The following ASTN2 variants were observed in gnomAD, a reference collection of about 807,000 sequenced individuals.
The protein encoded by ASTN2 is astrotactin-2.
ASTN2 carries 54 observed loss-of-function variants against 139.8 expected under a neutral mutation model. The ratio of observed to expected loss-of-function variants is 0.39; its 90% CI spans 0.31 to 0.48. The LOEUF (loss-of-function observed/expected upper bound fraction) is 0.48, where lower values mean the gene tolerates loss of function less well. Ranked by LOEUF, ASTN2 falls within the 20% of genes least tolerant of loss-of-function variation. ASTN2 has a pLI of 0.95. For synonymous variants in ASTN2, 756 were observed against 719.5 expected, an observed-to-expected ratio of 1.05 and a Z score of -0.81; for missense variants, 1,565 against 1,725.1, an observed-to-expected ratio of 0.91 and a Z score of 1.64.
At chr9:117,396,306 T>G (rs528868683) in intron 1 of ASTN2, among the ~76,000 whole-genome samples, 116 of 152,272 alleles carry the variant, frequency 7.6e-4, no homozygotes, top group African/African-American at 2.7e-3. Context: ...CAGATGAGCC[T>G]GCGTTTCATG....
chr9:117,411,638 T>A (rs1307164181), intron 1 of ASTN2, among the ~76,000 whole-genome samples: 1 of 152,104 alleles, frequency 6.6e-6, no homozygotes, highest in Non-Finnish European at 1.5e-5. Flanking sequence ...GAATTCTTCT[T>A]TTTGTTTGTC....
At chr9:116,911,364 A>G (rs1409788463) in intron 10 of ASTN2, among the ~76,000 whole-genome samples, 2 of 152,210 alleles carry the variant, frequency 1.3e-5, no homozygotes. Context: ...TTTTACTTAA[A>G]ACTCTCAAGG....
intron 11 of ASTN2, among the ~76,000 whole-genome samples, chr9:116,831,156 C>T (rs1029975845): frequency 1.2e-4 from 18 of 152,180 alleles, no homozygotes; most frequent in African/African-American, 2.9e-4. Flanking sequence ...TACACCTGCA[C>T]GTACAGAGTG....
At chr9:117,057,064 T>A (rs1189037426) in intron 5 of ASTN2, among the ~76,000 whole-genome samples, 1 of 152,230 alleles carries the variant, frequency 6.6e-6, no homozygotes, top group Non-Finnish European at 1.5e-5. Context: ...CTCTTTTTGT[T>A]GGAACAGTTA....
At chr9:116,827,965 C>A (rs1020770183) in intron 11 of ASTN2, among the ~76,000 whole-genome samples, 3 of 152,050 alleles carry the variant, frequency 2.0e-5, no homozygotes, top group African/African-American at 7.2e-5. Context: ...ACACTAATAT[C>A]CCTGATGAAT....
At chr9:116,624,747 A>G (rs879915171) in intron 17 of ASTN2, among the ~76,000 whole-genome samples, 1 of 152,174 alleles carries the variant, frequency 6.6e-6, no homozygotes, top group Non-Finnish European at 1.5e-5. Context: ...TGACTCCAAA[A>G]AGATGCTCTG....
chr9:117,404,162 A>G (rs1830916603), intron 1 of ASTN2, among the ~76,000 whole-genome samples: 1 of 152,244 alleles, frequency 6.6e-6, no homozygotes, highest in South Asian at 2.1e-4. Context: ...CACAGTGCCC[A>G]GTGCTGACTA....
At chr9:116,457,798 C>T (rs1051323815) in intron 20 of ASTN2, among the ~76,000 whole-genome samples, 1 of 151,952 alleles carries the variant, frequency 6.6e-6, no homozygotes, top group Non-Finnish European at 1.5e-5. Flanking sequence ...ATGGAGATTC[C>T]TCAAAACACT....
At chr9:117,325,292 G>A (rs1447742625) in intron 1 of ASTN2, among the ~76,000 whole-genome samples, 7 of 152,064 alleles carry the variant, frequency 4.6e-5, no homozygotes, top group Non-Finnish European at 7.4e-5. Flanking sequence ...GGGATGTCTG[G>A]GCCAGAGTGT....
At chr9:116,767,867 C>G (rs1829850724) in intron 13 of ASTN2, among the ~76,000 whole-genome samples, 1 of 152,268 alleles carries the variant, frequency 6.6e-6, no homozygotes, top group Middle Eastern at 3.4e-3. Flanking sequence ...GAAGAAAGTC[C>G]TCCATTTCCT....
At chr9:117,377,019 G>A (rs1447760483) in intron 1 of ASTN2, among the ~76,000 whole-genome samples, 1 of 152,188 alleles carries the variant, frequency 6.6e-6, no homozygotes, top group Non-Finnish European at 1.5e-5. Flanking sequence ...AACGAAGGAA[G>A]GCAGGTGGAT....
intron 6 of ASTN2, among the ~76,000 whole-genome samples, chr9:117,016,640 A>AGGT (rs1837701605): frequency 1.0e-3 from 22 of 21,746 alleles, no homozygotes; most frequent in African/African-American, 1.7e-3. Flanking sequence ...ATATATATAT[A>AGGT]TATATATATA....
At chr9:117,205,640 G>A (rs1475292009) in intron 3 of ASTN2, among the ~76,000 whole-genome samples, 3 of 152,078 alleles carry the variant, frequency 2.0e-5, no homozygotes, top group Non-Finnish European at 2.9e-5. Flanking sequence ...AGGAAAGATG[G>A]GCCTCAGAGG....
chr9:117,095,700 A>G (rs1340282708), intron 5 of ASTN2, among the ~76,000 whole-genome samples: 2 of 152,236 alleles, frequency 1.3e-5, no homozygotes, highest in African/African-American at 2.4e-5. Flanking sequence ...ATTCTGCATC[A>G]ACCCAACCTG....
rs542121681 is a variant in ASTN2, at chr9:116,623,250, C to T, written c.3073-2807G>A. On this transcript the variant is annotated intron_variant, in intron 17 of 22. Coordinates refer to ENST00000313400, the MANE Select transcript of ASTN2 (RefSeq NM_001365068.1). ...GAACTTGAGCTTGTGGAAAACAAAA[C>T]AGGAAATCTCTCTGGACTTCATAAG... Among the ~76,000 whole-genome samples, 5 of 151,060 alleles carry T rather than the reference C, an allele frequency of 3.3e-5. No individual in the cohort carries two copies. The South Asian group carries it at 1.0e-3, about 32-fold the overall frequency.
At chr9:116,541,777 G>A (rs1392613020) in intron 19 of ASTN2, among the ~76,000 whole-genome samples, 1 of 152,088 alleles carries the variant, frequency 6.6e-6, no homozygotes, top group Non-Finnish European at 1.5e-5. Flanking sequence ...TTCCCCTTCA[G>A]CTCTCAATAA....
intron 2 of ASTN2, among the ~76,000 whole-genome samples, chr9:117,230,185 G>GAAAA (rs10636499): frequency 0.33 from 45,463 of 138,706 alleles, 7,783 homozygotes; most frequent in Middle Eastern, 0.42. Context: ...TCTTCAGGCT[G>GAAAA]AAAAAAAAAA....
At chr9:117,315,995 G>A (rs1247584564) in intron 1 of ASTN2, among the ~76,000 whole-genome samples, 1 of 152,160 alleles carries the variant, frequency 6.6e-6, no homozygotes, top group African/African-American at 2.4e-5. Flanking sequence ...TTATCTGAAT[G>A]AGCTATCTCA....
At chr9:116,786,358 A>G (rs1462358343) in intron 13 of ASTN2, among the ~76,000 whole-genome samples, 1 of 152,126 alleles carries the variant, frequency 6.6e-6, no homozygotes, top group African/African-American at 2.4e-5. Flanking sequence ...TAGAATATAA[A>G]CCTTCAGAGC....
Sources: gnomAD v4.1 joint callset for allele counts (sites outside exome capture counted in the v4.1 genomes callset) on GRCh38, gnomAD v4.1.1 for gene constraint, MANE v1.5 for transcripts, NCBI Gene and HGNC (gene_info 2026-07-23, HGNC 2026-07-21) for gene names.